Variants in SLC4A4 observed in about 807,000 individuals in gnomAD.
The protein encoded by SLC4A4 is electrogenic sodium bicarbonate cotransporter 1.
In SLC4A4, 27 loss-of-function variants were observed where a neutral mutation model predicts 111.5. The ratio of observed to expected loss-of-function variants is 0.24; its 90% CI spans 0.18 to 0.33. The LOEUF (loss-of-function observed/expected upper bound fraction) is 0.33, where lower values mean the gene tolerates loss of function less well. Ranked by LOEUF, SLC4A4 falls within the 10% of genes least tolerant of loss-of-function variation. SLC4A4 has a pLI of 1.00. For synonymous variants in SLC4A4, 443 were observed against 463.4 expected (o/e 0.96, Z 0.57); for missense variants, 909 against 1,315.5 (o/e 0.69, Z 4.78).
chr4:71,400,674 G>C (rs1720274207), intron 7 of SLC4A4, among the ~76,000 whole-genome samples: 1 of 152,132 alleles, frequency 6.6e-6, no homozygotes, highest in South Asian at 2.1e-4. Flanking sequence ...TACAACCAAA[G>C]GTACAGGTAC....
chr4:71,505,906 T>C (rs536692986), intron 16 of SLC4A4, among the ~76,000 whole-genome samples: 1 of 152,298 alleles, frequency 6.6e-6, no homozygotes, highest in South Asian at 2.1e-4. Flanking sequence ...ATTTTCTACA[T>C]ATGGCTAGCT....
At chr4:71,409,385 T>C (rs139002708) in intron 7 of SLC4A4, among the ~76,000 whole-genome samples, 1,639 of 152,308 alleles carry the variant, frequency 0.011, 13 homozygotes, top group Non-Finnish European at 0.017. Flanking sequence ...TGAGGTGGTC[T>C]CAGATGGAGA....
intron 8 of SLC4A4, among the ~76,000 whole-genome samples, chr4:71,441,819 AATAGGAATGATAC>A (rs1182931779): frequency 6.6e-6 from 1 of 152,240 alleles, no homozygotes; most frequent in East Asian, 1.9e-4. Context: ...AGACACTTAA[AATAGGAATGATAC>A]ATAGGGCTGT....
intron 24 of SLC4A4, among the ~76,000 whole-genome samples, chr4:71,565,104 C>G (rs1384323890): frequency 2.0e-5 from 3 of 151,704 alleles, no homozygotes; most frequent in Admixed American, 2.0e-4. Context: ...GACTCAAGGG[C>G]CCCATTACAA....
At chr4:71,480,380 A>C (rs923088130) in intron 14 of SLC4A4, among the ~76,000 whole-genome samples, 1 of 151,660 alleles carries the variant, frequency 6.6e-6, no homozygotes, top group East Asian at 1.9e-4. Context: ...TAAGAAAAAA[A>C]AAAAAGAAAA....
chr4:71,337,813 TTGAC>T (rs1728554547), intron 3 of SLC4A4, among the ~76,000 whole-genome samples: 2 of 151,782 alleles, frequency 1.3e-5, no homozygotes, highest in African/African-American at 2.4e-5. Flanking sequence ...TTTTTTATTT[TTGAC>T]ATTTAATTAA....
rs1321674826 is a variant in SLC4A4, at chr4:71,453,444, T to C, written c.1323-51T>C. The C allele has an allele frequency of 2.6e-6, 4 of 1,535,760 alleles. No individual in the cohort carries two copies. In the African/African-American group the frequency reaches 5.5e-5, roughly 21 times the overall value. On this transcript the variant is annotated intron_variant, in intron 11 of 25. Transcript: ENST00000264485. ...TTAATGAGTTACCTCTTGATTAATT[T>C]GATGGTAATTTACTTTACATTTAGT...
intron 3 of SLC4A4, among the ~76,000 whole-genome samples, chr4:71,273,569 C>T (rs1452776335): frequency 3.3e-5 from 5 of 152,180 alleles, no homozygotes; most frequent in South Asian, 2.1e-4. Flanking sequence ...GTTCTTGATA[C>T]GTTTCCTCAC....
chr4:71,531,858 C>A (rs899716866), intron 16 of SLC4A4, among the ~76,000 whole-genome samples: 10 of 150,670 alleles, frequency 6.6e-5, no homozygotes, highest in African/African-American at 1.5e-4. Flanking sequence ...CTTTGGGATA[C>A]ATTACATTAT....
At chr4:71,323,748 A>G (rs893466792) in intron 3 of SLC4A4, among the ~76,000 whole-genome samples, 6 of 151,934 alleles carry the variant, frequency 3.9e-5, no homozygotes, top group African/African-American at 1.4e-4. Context: ...AATTCCTGTT[A>G]TCCATTATGT....
intron 2 of SLC4A4, among the ~76,000 whole-genome samples, chr4:71,145,542 C>T (rs1182648111): frequency 2.6e-5 from 4 of 152,082 alleles, no homozygotes; most frequent in East Asian, 3.9e-4. Flanking sequence ...CTCCTTGTAC[C>T]TCTGGTAGAA....
intron 7 of SLC4A4, among the ~76,000 whole-genome samples, chr4:71,413,592 TTGAAAAAAAGA>T (rs1721585260): frequency 6.6e-6 from 1 of 152,204 alleles, no homozygotes; most frequent in Admixed American, 6.5e-5. Flanking sequence ...AATGGCTTTT[TTGAAAAAAAGA>T]AAAGTATTTT....
At chr4:71,223,918 C>A (rs1718902089) in intron 1 of SLC4A4, among the ~76,000 whole-genome samples, 1 of 152,068 alleles carries the variant, frequency 6.6e-6, no homozygotes, top group Admixed American at 6.5e-5. Flanking sequence ...GTCTTCGTGG[C>A]CCCGTTTCTG....
At chr4:71,490,144 G>A (rs893594481) in intron 15 of SLC4A4, among the ~76,000 whole-genome samples, 4 of 151,622 alleles carry the variant, frequency 2.6e-5, no homozygotes, top group African/African-American at 7.3e-5. Flanking sequence ...TCCTTAAAAG[G>A]TTCCTGTAAA....
intron 16 of SLC4A4, among the ~76,000 whole-genome samples, chr4:71,515,566 CG>C (rs1732308321): frequency 6.6e-6 from 1 of 152,042 alleles, no homozygotes; most frequent in Admixed American, 6.5e-5. Flanking sequence ...ATGCTGACAA[CG>C]GGGTGTTAAA....
At chr4:71,145,886 T>G (rs1436177251) in intron 2 of SLC4A4, among the ~76,000 whole-genome samples, 1 of 152,214 alleles carries the variant, frequency 6.6e-6, no homozygotes, top group Non-Finnish European at 1.5e-5. Flanking sequence ...TGTTGATCTT[T>G]TCAAAAAACC....
At chr4:71,136,426 G>A (rs1743843820) in intron 2 of SLC4A4, among the ~76,000 whole-genome samples, 2 of 152,166 alleles carry the variant, frequency 1.3e-5, no homozygotes, top group South Asian at 4.1e-4. Context: ...GCTAATTTTT[G>A]CCCTTTAGTG....
intron 1 of SLC4A4, among the ~76,000 whole-genome samples, chr4:71,066,118 G>A (rs1257878280): frequency 6.6e-6 from 1 of 152,144 alleles, no homozygotes; most frequent in Non-Finnish European, 1.5e-5. Context: ...CTTGTTAAAT[G>A]ACTGGGCTTT....
At chr4:71,423,364 C>T (rs1286465486) in intron 7 of SLC4A4, among the ~76,000 whole-genome samples, 1 of 152,262 alleles carries the variant, frequency 6.6e-6, no homozygotes, top group South Asian at 2.1e-4. Flanking sequence ...GAAGAACATT[C>T]CATGCTCATG....
Sources: allele counts gnomAD v4.1 joint callset (sites outside exome capture counted in the v4.1 genomes callset), GRCh38; gene constraint gnomAD v4.1.1; transcripts MANE v1.5; gene names NCBI Gene and HGNC (gene_info 2026-07-23, HGNC 2026-07-21).